Variants in COL11A1 observed in about 807,000 individuals in gnomAD.
The protein encoded by COL11A1 is collagen type XI alpha 1 chain, also known as collagen alpha-1(XI) chain.
Under a neutral mutation model 265.2 loss-of-function variants are expected in COL11A1, and 74 were observed. The observed-to-expected ratio is 0.28, with a 90% confidence interval of 0.23 to 0.34. The LOEUF (loss-of-function observed/expected upper bound fraction) is 0.34. COL11A1 is among the 10% of genes least tolerant of loss of function. The pLI, the probability that COL11A1 is intolerant of heterozygous loss-of-function variation, is 1.00. For missense variants in COL11A1, 2,165 were observed against 2,263.6 expected (o/e 0.96, Z 0.88); for synonymous variants, 816 against 727.6 (o/e 1.12, Z -1.96).
chr1:102,878,475 C>CATACATATATATATATATAT (rs1553191040), intron 66 of COL11A1, among the ~76,000 whole-genome samples: 1 of 49,862 alleles, frequency 2.0e-5, no homozygotes. Context: ...ATTGAATCCT[C>CATACATATATATATATATAT]ATATATATAT....
chr1:103,051,324 G>A (rs532095659), intron 4 of COL11A1, among the ~76,000 whole-genome samples: 33 of 152,228 alleles, frequency 2.2e-4, no homozygotes, highest in African/African-American at 5.5e-4. Context: ...CCCCAGCCTC[G>A]CTGCCACCTT....
chr1:102,923,591 A>T (rs1372888112), intron 46 of COL11A1, among the ~76,000 whole-genome samples: 1 of 152,096 alleles, frequency 6.6e-6, no homozygotes, highest in Non-Finnish European at 1.5e-5. Flanking sequence ...TACAAATAAA[A>T]TTTATGTTTT....
At chr1:102,967,491 C>T (rs1205374099) in intron 37 of COL11A1, among the ~76,000 whole-genome samples, 2 of 152,006 alleles carry the variant, frequency 1.3e-5, no homozygotes, top group African/African-American at 2.4e-5. Flanking sequence ...CCGCCCGCCT[C>T]GGCCTCCCAA....
intron 41 of COL11A1, among the ~76,000 whole-genome samples, chr1:102,961,453 A>G (rs1564144): frequency 0.62 from 94,331 of 152,044 alleles, 31,275 homozygotes; most frequent in East Asian, 0.91. Context: ...ATGTTTTATA[A>G]TAAATGAATG....
intron 4 of COL11A1, among the ~76,000 whole-genome samples, chr1:103,036,766 G>C (rs1668403413): frequency 6.6e-6 from 1 of 151,978 alleles, no homozygotes; most frequent in Admixed American, 6.6e-5. Context: ...AAAAGGTAAA[G>C]TTATTGAGTA....
At chr1:102,898,219 A>T (rs1055752428) in intron 56 of COL11A1, 41 bp from the exon 57 acceptor site, 41 of 919,562 alleles carry the variant, frequency 4.5e-5, no homozygotes, top group Non-Finnish European at 5.1e-5. Context: ...AATTAATAAA[A>T]TAATACATAT....
At chr1:102,943,060 C>T (rs1005864328) in intron 42 of COL11A1, among the ~76,000 whole-genome samples, 1 of 152,066 alleles carries the variant, frequency 6.6e-6, no homozygotes, top group Admixed American at 6.6e-5. Context: ...TGAGTCTACT[C>T]TCATTTCCTT....
Position 103,006,425 on chromosome 1 carries a change from ATCAT to A in COL11A1, c.1684-114_1684-111del, listed in dbSNP as rs554285548. ...CTAATATCCTCTTAGCGTTACCTTA[ATCAT>A]TCAAACACAAGAAAATTATTTCCAT... On this transcript the variant is annotated intron_variant, in intron 15 of 66. Coordinates refer to ENST00000370096, the MANE Select transcript of COL11A1 (RefSeq NM_001854.4). The A allele has an allele frequency of 1.8e-4, 121 of 679,054 alleles. No individual in the cohort carries two copies. In the East Asian group the frequency reaches 3.6e-3, roughly 20 times the overall value. The allele number at this position is 679,054 out of a possible 1,614,324, so 42.1% of individuals were successfully genotyped here.
intron 44 of COL11A1, among the ~76,000 whole-genome samples, chr1:102,938,721 T>A (rs1658407287): frequency 6.6e-6 from 1 of 152,170 alleles, no homozygotes; most frequent in African/African-American, 2.4e-5. Flanking sequence ...GTAATACTGT[T>A]AATTTTGGTA....
intron 41 of COL11A1, among the ~76,000 whole-genome samples, chr1:102,960,546 A>T (rs1353219906): frequency 6.6e-6 from 1 of 152,122 alleles, no homozygotes; most frequent in Non-Finnish European, 1.5e-5. Context: ...AGATGACTTT[A>T]TAGAGATTTA....
In COL11A1 at chr1:102,881,922, CAAAG is replaced by C. The variant is rs1650296988; in HGVS notation, c.4972-161_4972-158del. On this transcript the variant is annotated intron_variant, in intron 64 of 66. Transcript: ENST00000370096. ...ACAAATTAGATTATACAAAATGAGACAAAGAGAAAAATTTGAGATAGATCCTGTA... is the reference window on the plus strand; with the variant it reads ...ACAAATTAGATTATACAAAATGAGACAGAAAAATTTGAGATAGATCCTGTA... Among the ~76,000 whole-genome samples the C allele has an allele frequency of 7.9e-5, 12 of 152,034 alleles. No homozygotes were observed. In the South Asian group the frequency reaches 2.5e-3, roughly 32 times the overall value.
In COL11A1 at chr1:102,962,756, G is replaced by C. The variant is rs78046647; in HGVS notation, c.2921C>G (p.Pro974Arg). The change falls in exon 39 of 67, where the codon CCA (proline) becomes CGA (arginine). Residue 974 changes from proline to arginine, a missense_variant. Transcript: ENST00000370096. Reference protein sequence around the residue: ...GPGGVVGPQGPTGETGPIGER... With the variant: ...GPGGVVGPQGRTGETGPIGER... ...CCCTATTGGACCAGTCTCACCGGTTGGTCCCTAAATTAGATAAGCAAAATC... is the reference window on the plus strand; with the variant it reads ...CCCTATTGGACCAGTCTCACCGGTTCGTCCCTAAATTAGATAAGCAAAATC... 6.2e-7 allele frequency: 1 copy of C among 1,613,804 alleles called. No homozygotes were observed. The highest frequency in any genetic ancestry group is 1.3e-5 in the African/African-American group (1 of 74,898).
At position 102,898,905 on chromosome 1, in the gene COL11A1, A is replaced by G. The variant is rs546519496; in HGVS notation, c.4140+36T>C. ...ATATAATACCTTGTATATATAATAT[A>G]TAATATATATTATGTATATATTATT... is the stretch of plus-strand genomic sequence containing the variant. On this transcript the variant is annotated intron_variant, in intron 55 of 66. Transcript: ENST00000370096. 8 of 1,066,232 alleles carry G rather than the reference A, an allele frequency of 7.5e-6. No individual in the cohort carries two copies. The Admixed American group carries it at 1.5e-4, about 20-fold the overall frequency. 66.0% of individuals were successfully genotyped at this position (1,066,232 alleles called of 1,614,324 possible).
chr1:102,885,597 G>T (rs979451804), intron 63 of COL11A1, among the ~76,000 whole-genome samples: 1 of 151,818 alleles, frequency 6.6e-6, no homozygotes, highest in East Asian at 1.9e-4. Context: ...ATATAATCAT[G>T]TCTGAAACAA....
intron 9 of COL11A1, among the ~76,000 whole-genome samples, chr1:103,021,002 C>T (rs1171433320): frequency 6.8e-6 from 1 of 146,390 alleles, no homozygotes; most frequent in Non-Finnish European, 1.5e-5. Flanking sequence ...TATTCTTTAT[C>T]ATTTTTCTTT....
chr1:103,014,924 G>T (rs1004922320), intron 12 of COL11A1, among the ~76,000 whole-genome samples: 4 of 151,726 alleles, frequency 2.6e-5, no homozygotes, highest in African/African-American at 9.7e-5. Flanking sequence ...TGATTCATTT[G>T]TATAAAATTC....
At chr1:102,923,434 TAA>T (rs147848946) in intron 46 of COL11A1, 45 bp from the exon 47 acceptor site, 8 of 1,261,022 alleles carry the variant, frequency 6.3e-6, no homozygotes, top group Non-Finnish European at 7.6e-6. Flanking sequence ...CTGATGTCTT[TAA>T]AAAAAAAAGT....
chr1:103,021,039 T>A (rs941731911), intron 9 of COL11A1, among the ~76,000 whole-genome samples: 3 of 149,194 alleles, frequency 2.0e-5, no homozygotes, highest in African/African-American at 7.3e-5. Flanking sequence ...AATTTTTATG[T>A]CCTTACAATT....
In COL11A1 at chr1:102,913,555, A is replaced by G. The variant is rs963287782; in HGVS notation, c.4032+82T>C. ...CATATACATAGAGCTATGTTTTTCA[A>G]AGGCTGATTACTTCTAATTATCTCA... On this transcript the variant is annotated intron_variant, in intron 53 of 66. Transcript: ENST00000370096. The G allele has an allele frequency of 3.7e-6, 5 of 1,347,104 alleles. No individual in the cohort carries two copies. The African/African-American group carries it at 7.2e-5, about 19-fold the overall frequency. The allele number at this position is 1,347,104 out of a possible 1,614,324, so 83.4% of individuals were successfully genotyped here. A position where few individuals can be genotyped will look rare whatever the true frequency, so the allele number is the denominator to read the frequency against.
Sources: gnomAD v4.1 joint callset for allele counts (sites outside exome capture counted in the v4.1 genomes callset) on GRCh38, gnomAD v4.1.1 for gene constraint, MANE v1.5 for transcripts, NCBI Gene and HGNC (gene_info 2026-07-23, HGNC 2026-07-21) for gene names.